HCFC1: variants seen among roughly 807,000 people sequenced by gnomAD.
HCFC1 encodes host cell factor 1.
HCFC1 carries 7 observed loss-of-function variants against 105.5 expected under a neutral mutation model. The ratio of observed to expected loss-of-function variants is 0.07; its 90% CI spans 0.04 to 0.12. The LOEUF (loss-of-function observed/expected upper bound fraction) is 0.12, where lower values mean the gene tolerates loss of function less well. HCFC1 is among the 10% of genes least tolerant of loss of function. The pLI, the probability that HCFC1 is intolerant of heterozygous loss-of-function variation, is 1.00. For missense variants in HCFC1, 1,065 were observed against 1,823.6 expected, an observed-to-expected ratio of 0.58 and a Z score of 7.58; for synonymous variants, 918 against 828.1, an observed-to-expected ratio of 1.11 and a Z score of -1.86.
In HCFC1 at chrX:153,952,112, AGTCACG is replaced by A. The variant is rs1275942023; in HGVS notation, c.4983_4988del (p.Val1662_Thr1663del). The A allele has an allele frequency of 3.2e-5, 37 of 1,143,023 alleles. No individual in the cohort carries two copies. The Middle Eastern group carries it at 1.2e-3, about 36-fold the overall frequency. 94.2% of individuals were successfully genotyped at this position (1,143,023 alleles called of 1,213,427 possible). A position where few individuals can be genotyped will look rare whatever the true frequency, so the allele number is the denominator to read the frequency against. On this transcript the variant is annotated inframe_deletion, in exon 20 of 26. Coordinates refer to ENST00000310441, the MANE Select transcript of HCFC1 (RefSeq NM_005334.3). Reference sequence around the variant, plus strand: ...CCGACAGGTGCCCCAGCTCCGCCTGAGTCACGGTTGCTGCTGCCTCGGAGGTGTCCA... The same window carrying A: ...CCGACAGGTGCCCCAGCTCCGCCTGAGTTGCTGCTGCCTCGGAGGTGTCCA...
Position 153,951,640 on chromosome X carries a change from C to T in HCFC1, c.5328G>A (p.Gln1776=), listed in dbSNP as rs372299853. ...PVVVASPAKL[Q]AAATLTEVAN... is the part of the protein sequence containing the mutation. Reference sequence around the variant, plus strand: ...CCACTTCGGTCAGGGTAGCTGCAGCCTGCAGCTTGGCTGGGCTGGCCACCA... The same window carrying T: ...CCACTTCGGTCAGGGTAGCTGCAGCTTGCAGCTTGGCTGGGCTGGCCACCA... The change falls in exon 21 of 26, where the codon CAG becomes CAA. Residue 1776 remains glutamine, a synonymous_variant. Transcript: ENST00000310441. The T allele has an allele frequency of 8.3e-7, 1 of 1,211,409 alleles. No homozygotes were observed. The highest frequency in any genetic ancestry group is 1.1e-6 in the Non-Finnish European group (1 of 895,518).
chrX:153,951,454 G>A lies in HCFC1; in HGVS notation c.5413C>T (p.Pro1805Ser). The change falls in exon 22 of 26, where the codon CCC becomes TCC. Residue 1805 changes from proline (P) to serine (S), a missense_variant. Around this residue, in one of 17 missense-constraint regions of HCFC1, gnomAD observed 115 missense variants for 143.7 expected, o/e 0.80. Coordinates refer to ENST00000310441, the MANE Select transcript of HCFC1 (RefSeq NM_005334.3). ...PDLPPPPSKA[P>S]MKKENQWFDV... is the part of the protein sequence containing the mutation. ...AACCACTGGTTTTCCTTCTTCATGG[G>A]GGCTTTGCTGGGTGGGGGCGGCAGG... is the stretch of plus-strand genomic sequence containing the variant. The A allele has an allele frequency of 1.7e-6, 2 of 1,211,378 alleles. No homozygotes were observed. Among genetic ancestry groups the A allele is most frequent in the Non-Finnish European group, 2.2e-6 (2 of 895,281 alleles).
chrX:153,968,165 C>T (rs781905911), intron 1 of HCFC1, among the ~76,000 whole-genome samples: 1 of 111,680 alleles, frequency 9.0e-6, no homozygotes, highest in Non-Finnish European at 1.9e-5. Flanking sequence ...CTCCCCCACC[C>T]CCCACACCTG....
In HCFC1 at chrX:153,954,139, G is replaced by A; in HGVS notation, c.4260C>T (p.Pro1420=). The change falls in exon 17 of 26, where the codon CCC becomes CCT. Residue 1420 remains proline (P), a synonymous_variant. Transcript: ENST00000310441. The stretch of plus-strand genomic sequence containing the variant: ...TGCCCGTCTCGTGGGTCTCACAGGG[G>A]GGGTTGGAGCACACCCTCTGTGTTG... ...PFPTQRVCSN[P]PCETHETGTT... The A allele has an allele frequency of 8.4e-7, 1 of 1,191,852 alleles. No homozygotes were observed. The highest frequency in any genetic ancestry group is 1.1e-6 in the Non-Finnish European group (1 of 885,066).
intron 18 of HCFC1, among the ~76,000 whole-genome samples, chrX:153,953,392 C>T (rs782461349): frequency 8.9e-6 from 1 of 112,315 alleles, no homozygotes; most frequent in African/African-American, 3.2e-5. Flanking sequence ...GCGATGAGAA[C>T]CAGTCCCAGA....
intron 1 of HCFC1, 26 bp downstream of exon 1, chrX:153,970,622 G>A (rs781870864): frequency 1.3e-5 from 15 of 1,148,980 alleles, no homozygotes; most frequent in Non-Finnish European, 1.5e-5. Flanking sequence ...GGAAAGAGCC[G>A]AAGACCCAGC....
rs199916332 is a variant in HCFC1 at position 153,958,650 on chromosome X, G to A, written c.1722C>T (p.Thr574=). ...APTVLSVPAG[T]TIVKTMAVTP... ...TCACAGCCATGGTCTTCACGATGGT[G>A]GTACCCGCTGGGACACTCAGCACCG... The change falls in exon 10 of 26, where the codon ACC becomes ACT. Residue 574 remains threonine (T), a synonymous_variant. Coordinates refer to ENST00000310441, the MANE Select transcript of HCFC1 (RefSeq NM_005334.3). 2.8e-5 allele frequency: 34 copies of A among 1,206,386 alleles called. No homozygotes were observed. In the Admixed American group the frequency reaches 5.7e-4, roughly 20 times the overall value.
rs1569546724 is a variant in HCFC1, at chrX:153,954,423, C to T, written c.3976G>A (p.Glu1326Lys). Residue 1326 changes from glutamate to lysine, a missense_variant, in exon 17 of 26, where the codon GAG becomes AAG. Physicochemically the swap from Glu to Lys is moderately conservative, Grantham distance 56 (BLOSUM62 1). This residue lies in a region of HCFC1 where 546 missense variants were observed against 599.9 expected (regional missense o/e 0.91). Coordinates refer to ENST00000310441, the MANE Select transcript of HCFC1 (RefSeq NM_005334.3). ...GTGGCCGTGTGGGTGGTGCCCGTCTCGTGGGTCTCGCATGGCGGGTTGGAG... is the reference window on the plus strand; with the variant it reads ...GTGGCCGTGTGGGTGGTGCCCGTCTTGTGGGTCTCGCATGGCGGGTTGGAG... ...VCSNPPCETHETGTTHTATTA... is the reference protein window; with the variant it reads ...VCSNPPCETHKTGTTHTATTA... The T allele has an allele frequency of 5.0e-6, 6 of 1,211,845 alleles. No individual in the cohort carries two copies. Among genetic ancestry groups the T allele is most frequent in the African/African-American group, 1.7e-5 (1 of 57,847 alleles).
chrX:153,959,716 C>G, intron 8 of HCFC1, 86 bp downstream of exon 8: 1 of 1,098,004 alleles, frequency 9.1e-7, no homozygotes, highest in South Asian at 2.2e-5. Flanking sequence ...GCTGTCTAGG[C>G]TGCCGTCTCG....
chrX:153,959,553 G>T, intron 8 of HCFC1, 62 bp from the exon 9 acceptor site: 1 of 1,168,363 alleles, frequency 8.6e-7, no homozygotes, highest in Non-Finnish European at 1.2e-6. Context: ...CAGCCCCTTT[G>T]CAGGCAGCCC....
At position 153,955,498 on chromosome X, in the gene HCFC1, A is replaced by G. The variant is rs782584731; in HGVS notation, c.2901T>C (p.Ser967=). The G allele has an allele frequency of 2.0e-5, 24 of 1,179,476 alleles. No homozygotes were observed. The highest frequency in any genetic ancestry group is 2.4e-5 in the Non-Finnish European group (21 of 878,127). The change falls in exon 17 of 26, where the codon AGT becomes AGC. Residue 967 remains serine, a synonymous_variant. Transcript: ENST00000310441. ...CATGCACAGGCTGGGCCTCCACCCCACTAGGTGCCGTGATCAGAGTTACCT... is the reference window on the plus strand; with the variant it reads ...CATGCACAGGCTGGGCCTCCACCCCGCTAGGTGCCGTGATCAGAGTTACCT... ...PTQVTLITAP[S]GVEAQPVHDL...
In HCFC1 at chrX:153,950,368, A is replaced by C; in HGVS notation, c.5879T>G (p.Leu1960Arg). Residue 1960 changes from leucine to arginine, a missense_variant, in exon 24 of 26, where the codon CTG becomes CGG. Around this residue, in one of 17 missense-constraint regions of HCFC1, gnomAD observed 32 missense variants for 68.3 expected, o/e 0.47. Transcript: ENST00000310441. Reference sequence around the variant, plus strand: ...GTTGGAAAGGCTGGAGGACTGCACCAGGCAGGAGGGGCTGGGCCCGCAGTA... The same window carrying C: ...GTTGGAAAGGCTGGAGGACTGCACCCGGCAGGAGGGGCTGGGCCCGCAGTA... Reference protein sequence around the residue: ...RVYCGPSPSCLVQSSSLSNAH... With the variant: ...RVYCGPSPSCRVQSSSLSNAH... 1 of 1,211,145 alleles carries C rather than the reference A, an allele frequency of 8.3e-7. No individual in the cohort carries two copies. The highest frequency in any genetic ancestry group is 1.1e-6 in the Non-Finnish European group (1 of 895,147).
At chrX:153,964,773 T>G (rs1349751784) in intron 1 of HCFC1, 47 bp from the exon 2 acceptor site, 1 of 1,094,053 alleles carries the variant, frequency 9.1e-7, no homozygotes, top group Non-Finnish European at 1.2e-6. Context: ...GGAGCCCCCA[T>G]TCCTCTCATT....
intron 3 of HCFC1, 89 bp from the exon 4 acceptor site, chrX:153,963,522 G>A (rs782349916): frequency 1.7e-6 from 1 of 605,417 alleles, no homozygotes; most frequent in African/African-American, 2.2e-5. Flanking sequence ...AGCCTCCCCA[G>A]AACACAAAGG....
intron 16 of HCFC1, among the ~76,000 whole-genome samples, chrX:153,955,937 G>A (rs1227565993): frequency 2.6e-5 from 3 of 113,319 alleles, no homozygotes; most frequent in African/African-American, 6.4e-5. Flanking sequence ...GCGTCCTGTA[G>A]AACACTGCGA....
chrX:153,971,100 G>C lies in HCFC1; in HGVS notation c.-260C>G. The C allele has an allele frequency of 2.9e-6, 1 of 349,346 alleles. No homozygotes were observed. The highest frequency in any genetic ancestry group is 4.9e-6 in the Non-Finnish European group (1 of 204,867). 28.8% of individuals were successfully genotyped at this position (349,346 alleles called of 1,213,427 possible). A position where few individuals can be genotyped will look rare whatever the true frequency, so the allele number is the denominator to read the frequency against. Reference sequence around the variant, plus strand: ...GGCTCAAGAAGCTGGAGGCCGCTGAGTCCCGTCGCCCCGACTACTTGTCCG... The same window carrying C: ...GGCTCAAGAAGCTGGAGGCCGCTGACTCCCGTCGCCCCGACTACTTGTCCG... On this transcript the variant is annotated 5_prime_UTR_variant, in exon 1 of 26. Transcript: ENST00000310441.
chrX:153,959,576 G>A, intron 8 of HCFC1, 85 bp from the exon 9 acceptor site: 1 of 1,088,065 alleles, frequency 9.2e-7, no homozygotes, highest in East Asian at 3.1e-5. Context: ...AGCCACTTCT[G>A]TTGGCCTGCT....
Position 153,950,993 on chromosome X carries a change from A to G in HCFC1, c.5523T>C (p.Asp1841=). 8.3e-7 allele frequency: 1 copy of G among 1,209,151 alleles called. No individual in the cohort carries two copies. Among genetic ancestry groups the G allele is most frequent in the South Asian group, 1.8e-5 (1 of 56,966 alleles). Residue 1841 remains aspartate (D), a synonymous_variant, in exon 23 of 26, where the codon GAT becomes GAC. Coordinates refer to ENST00000310441, the MANE Select transcript of HCFC1 (RefSeq NM_005334.3). ...PPDDAVPSDD[D]LGTVPDYNQL... is the part of the protein sequence containing the mutation. Reference sequence around the variant, plus strand: ...GGTTATAGTCAGGGACGGTGCCCAAATCATCCTAGGAAAAGAGGAGTGGCA... The same window carrying G: ...GGTTATAGTCAGGGACGGTGCCCAAGTCATCCTAGGAAAAGAGGAGTGGCA...
At chrX:153,965,495 C>T (rs1255159271) in intron 1 of HCFC1, among the ~76,000 whole-genome samples, 2 of 112,419 alleles carry the variant, frequency 1.8e-5, no homozygotes, top group African/African-American at 6.5e-5. Flanking sequence ...AAACTTGACT[C>T]CCCTCACACC....
Sources: gnomAD v4.1 joint callset for allele counts (sites outside exome capture counted in the v4.1 genomes callset) on GRCh38, gnomAD v4.1.1 for gene constraint, gnomAD v4.1.1 regional missense constraint, MANE v1.5 for transcripts, NCBI Gene and HGNC (gene_info 2026-07-23, HGNC 2026-07-21) for gene names.